The following PLXNA2 variants were observed in gnomAD, a reference collection of about 807,000 sequenced individuals.
The protein encoded by PLXNA2 is plexin A2, also known as plexin-A2.
PLXNA2 carries 91 observed loss-of-function variants against 193.5 expected under a neutral mutation model. The ratio of observed to expected loss-of-function variants is 0.47; its 90% CI spans 0.40 to 0.56. The LOEUF (loss-of-function observed/expected upper bound fraction) is 0.56, where lower values mean the gene tolerates loss of function less well. Ranked by LOEUF, PLXNA2 falls within the 20% of genes least tolerant of loss-of-function variation. The pLI is 0.00. For missense variants in PLXNA2, 1,995 were observed against 2,503.2 expected, an observed-to-expected ratio of 0.80 and a Z score of 4.33; for synonymous variants, 997 against 1,027.3, an observed-to-expected ratio of 0.97 and a Z score of 0.56.
rs1018813223 is a variant in PLXNA2, at chr1:208,026,273, T to C, written c.*970A>G. 2.0e-5 allele frequency: 3 copies of C among 152,216 alleles called. No individual in the cohort carries two copies. Among genetic ancestry groups the C allele is most frequent in the African/African-American group, 4.8e-5 (2 of 41,446 alleles). 9.4% of individuals were successfully genotyped at this position (152,216 alleles called of 1,614,324 possible). A position where few individuals can be genotyped will look rare whatever the true frequency, so the allele number is the denominator to read the frequency against. On this transcript the variant is annotated 3_prime_UTR_variant, in exon 32 of 32. Transcript: ENST00000367033. ...ATTGATATGAGGCAGGGCTGCCAGG[T>C]GTCTGGTCTGGGAGAGGCCCACCTC...
Position 208,029,564 on chromosome 1 carries a change from C to A in PLXNA2, c.5226-522G>T, listed in dbSNP as rs1321042735. ...CCAGGGCTGGCCTGGCCTGGCTGGG[C>A]CGAGGAATGGGCTCCCCTGGGGGAA... On this transcript the variant is annotated intron_variant, in intron 29 of 31. Transcript: ENST00000367033. 4 of 990,400 alleles carry A rather than the reference C, an allele frequency of 4.0e-6. No individual in the cohort carries two copies. In the South Asian group the frequency reaches 1.4e-4, roughly 34 times the overall value. 61.4% of individuals were successfully genotyped at this position (990,400 alleles called of 1,614,324 possible).
chr1:208,089,693 A>G (rs1666648099), intron 9 of PLXNA2, among the ~76,000 whole-genome samples: 1 of 152,208 alleles, frequency 6.6e-6, no homozygotes, highest in African/African-American at 2.4e-5. Context: ...ATATTAATCA[A>G]TGGAGCTAAT....
At chr1:208,146,991 T>TA (rs1456162378) in intron 3 of PLXNA2, among the ~76,000 whole-genome samples, 2 of 152,166 alleles carry the variant, frequency 1.3e-5, no homozygotes, top group Non-Finnish European at 2.9e-5. Flanking sequence ...TGACAGTCTT[T>TA]ACTGAGACCA....
At chr1:208,049,290 G>C (rs367758697) in intron 17 of PLXNA2, among the ~76,000 whole-genome samples, 1 of 144,612 alleles carries the variant, frequency 6.9e-6, no homozygotes, top group Non-Finnish European at 1.5e-5. Flanking sequence ...TTTAAAACAT[G>C]TACCTAATTT....
intron 4 of PLXNA2, among the ~76,000 whole-genome samples, chr1:208,128,214 A>G (rs1558206694): frequency 6.6e-6 from 1 of 152,242 alleles, no homozygotes; most frequent in Non-Finnish European, 1.5e-5. Context: ...CTCCACAGTT[A>G]TCTGTTTTCC....
In PLXNA2 at chr1:208,025,628, C is replaced by T. The variant is rs1664320836; in HGVS notation, c.*1615G>A. 6.6e-6 allele frequency: 1 copy of T among 152,286 alleles called. No homozygotes were observed. The highest frequency in any genetic ancestry group is 2.4e-5 in the African/African-American group (1 of 41,462). The allele number at this position is 152,286 out of a possible 1,614,324, so 9.4% of individuals were successfully genotyped here. ...TCCAAGGTAATGTGGGAGGCCTGGA[C>T]ACTCTGATGGCTATCCTGGCCACCA... On this transcript the variant is annotated 3_prime_UTR_variant, in exon 32 of 32. Coordinates refer to ENST00000367033, the MANE Select transcript of PLXNA2 (RefSeq NM_025179.4).
chr1:208,040,147 AC>A (rs1247306337), intron 22 of PLXNA2, 89 bp from the exon 23 acceptor site: 1 of 1,044,942 alleles, frequency 9.6e-7, no homozygotes, highest in African/African-American at 1.6e-5. Context: ...TCCCAAGAGA[AC>A]AATGGAGCAT....
chr1:208,183,774 A>G (rs185185857), intron 3 of PLXNA2, among the ~76,000 whole-genome samples: 29 of 152,328 alleles, frequency 1.9e-4, no homozygotes, highest in African/African-American at 6.3e-4. Flanking sequence ...GCACTGTAGC[A>G]TCTTACAAAA....
intron 1 of PLXNA2, among the ~76,000 whole-genome samples, chr1:208,241,684 C>T (rs778512313): frequency 1.3e-5 from 2 of 152,228 alleles, no homozygotes; most frequent in Admixed American, 6.5e-5. Context: ...TGCCCCCATC[C>T]TAATGCAATT....
At chr1:208,186,725 T>A (rs928304944) in intron 3 of PLXNA2, among the ~76,000 whole-genome samples, 18 of 144,534 alleles carry the variant, frequency 1.2e-4, no homozygotes, top group Non-Finnish European at 2.3e-4. Context: ...TTTTTTTTTT[T>A]TTTTTGAGAC....
In PLXNA2 at chr1:208,098,454, T is replaced by A. The variant is rs55674474; in HGVS notation, c.1731+392A>T. On this transcript the variant is annotated intron_variant, in intron 6 of 31. Transcript: ENST00000367033. Reference sequence around the variant, plus strand: ...TTTCCTCTCTCTCTCTCTCTCTCTCTCTCTCACACACACACACACACACAC... The same window carrying A: ...TTTCCTCTCTCTCTCTCTCTCTCTCACTCTCACACACACACACACACACAC... 3.9e-3 allele frequency among the ~76,000 whole-genome samples: 409 copies of A among 106,058 alleles called. 2 individuals carry two copies. The highest frequency in any genetic ancestry group is 9.8e-3 in the East Asian group (35 of 3,586). The allele number at this position is 106,058 out of a possible 152,430, so 69.6% of individuals were successfully genotyped here.
rs1665050556 is a variant in PLXNA2 at position 208,046,010 on chromosome 1, A to T, written c.3363T>A (p.Phe1121Leu). The change falls in exon 18 of 32, where the codon TTT becomes TTA. Residue 1121 changes from phenylalanine (F) to leucine (L), a missense_variant. Physicochemically the swap from Phe to Leu is conservative, Grantham distance 22. This residue lies in a region of PLXNA2 where 1,291 missense variants were observed against 1,673.6 expected (regional missense o/e 0.77). Transcript: ENST00000367033. ...GCAAGGATTGGACATTGTTAAAGAC[A>T]AATCCAAACTCATCTGGGCGTTCCA... Reference protein sequence around the residue: ...DTVERPDEFGFVFNNVQSLLI... With the variant: ...DTVERPDEFGLVFNNVQSLLI... The T allele has an allele frequency of 6.2e-7, 1 of 1,614,274 alleles. No individual in the cohort carries two copies.
At chr1:208,220,433 G>GTTA (rs1165066587) in intron 1 of PLXNA2, among the ~76,000 whole-genome samples, 54 of 151,758 alleles carry the variant, frequency 3.6e-4, no homozygotes, top group Non-Finnish European at 5.9e-4. Flanking sequence ...GTTAGTTTTT[G>GTTA]TTATTATTAT....
chr1:208,097,770 C>T (rs1666946252), intron 6 of PLXNA2, among the ~76,000 whole-genome samples: 2 of 151,822 alleles, frequency 1.3e-5, no homozygotes. Context: ...GACTGGTTTC[C>T]TCTGCCCATG....
chr1:208,077,284 T>C (rs1485823453), intron 12 of PLXNA2, among the ~76,000 whole-genome samples: 1 of 152,178 alleles, frequency 6.6e-6, no homozygotes, highest in Non-Finnish European at 1.5e-5. Flanking sequence ...CCTGCTGATA[T>C]GTTCACTGGG....
intron 5 of PLXNA2, among the ~76,000 whole-genome samples, chr1:208,101,846 G>A (rs983843894): frequency 3.8e-4 from 58 of 152,308 alleles, no homozygotes; most frequent in East Asian, 1.9e-4. Context: ...CAGAGCTAGA[G>A]GGCAGGCTGC....
chr1:208,123,567 A>G (rs1216690337), intron 4 of PLXNA2, among the ~76,000 whole-genome samples: 1 of 152,162 alleles, frequency 6.6e-6, no homozygotes, highest in East Asian at 1.9e-4. Flanking sequence ...TATGATTTAG[A>G]TTTAATGTTA....
chr1:208,070,896 A>C lies in PLXNA2; in HGVS notation c.2586+8364T>G, dbSNP rs1279271134. ...TTTATGATGAAGAAATCCAGAGGGA[A>C]GCTGGGTTAGCTGAGGTCCAAAGGA... On this transcript the variant is annotated intron_variant, in intron 12 of 31. Transcript: ENST00000367033. 3.9e-5 allele frequency among the ~76,000 whole-genome samples: 6 copies of C among 152,200 alleles called. 1 individual carries two copies. The highest frequency in any genetic ancestry group is 3.9e-4 in the Admixed American group (6 of 15,286).
chr1:208,174,647 C>T lies in PLXNA2; in HGVS notation c.1372-32184G>A, dbSNP rs189600015. Among the ~76,000 whole-genome samples the T allele has an allele frequency of 2.0e-4, 30 of 152,242 alleles. No individual in the cohort carries two copies. The East Asian group carries it at 5.8e-3, about 29-fold the overall frequency. On this transcript the variant is annotated intron_variant, in intron 3 of 31. Transcript: ENST00000367033. ...GAGGAGCTCCCATGCCCCCAATAGG[C>T]TGGTCCATGCACCAGGGCCACAGGG...
Sources: gnomAD v4.1 joint callset for allele counts (sites outside exome capture counted in the v4.1 genomes callset) on GRCh38, gnomAD v4.1.1 for gene constraint, gnomAD v4.1.1 regional missense constraint, MANE v1.5 for transcripts, NCBI Gene and HGNC (gene_info 2026-07-23, HGNC 2026-07-21) for gene names.